Variants in RIPK4 observed in about 807,000 individuals in gnomAD.
RIPK4 encodes the protein receptor interacting serine/threonine kinase 4.
A neutral mutation model predicts 42.9 loss-of-function variants in RIPK4; 17 were observed. The ratio of observed to expected loss-of-function variants is 0.40; its 90% CI spans 0.27 to 0.59. RIPK4 has a LOEUF of 0.59. Among genes scored for constraint, RIPK4 ranks in the 20% least tolerant of loss-of-function variants. The probability of loss-of-function intolerance (pLI) is 0.47; values close to 1 mark genes in which losing one functional copy is unlikely to be tolerated. For missense variants in RIPK4, 897 were observed against 1,104.4 expected (o/e 0.81, Z 2.66); for synonymous variants, 498 against 499.1 (o/e 1.00, Z 0.03).
In RIPK4 at chr21:41,746,715, G is replaced by T; in HGVS notation, c.730C>A (p.Leu244Met). The T allele has an allele frequency of 6.2e-7, 1 of 1,609,442 alleles. No homozygotes were observed. ...VKVVKGHRPE[L>M]PPVCRARPRA... ...GGCCGGGCTCTGCACACGGGCGGCA[G>T]CTCGGGGCGGTGGCCCTTCACCACC... Residue 244 changes from leucine (L) to methionine (M), a missense_variant, in exon 5 of 8, where the codon CTG becomes ATG. Leu to Met is a conservative substitution (Grantham distance 15). Coordinates refer to ENST00000332512, the MANE Select transcript of RIPK4 (RefSeq NM_020639.3).
rs2061149003 is a variant in RIPK4 at position 41,740,458 on chromosome 21, C to T, written c.*380G>A. ...AAAAACACAGTTTCCCCTGCACCTC[C>T]CTCAAGACTGGTGAGCTCCAGCAAC... On this transcript the variant is annotated 3_prime_UTR_variant, in exon 8 of 8. Transcript: ENST00000332512. The T allele has an allele frequency of 4.5e-6, 1 of 224,344 alleles. No homozygotes were observed. Among genetic ancestry groups the T allele is most frequent in the Non-Finnish European group, 8.6e-6 (1 of 115,728 alleles). 13.9% of individuals were successfully genotyped at this position (224,344 alleles called of 1,614,324 possible). A position where few individuals can be genotyped will look rare whatever the true frequency, so the allele number is the denominator to read the frequency against.
At chr21:41,752,643 C>T (rs2061191947) in intron 2 of RIPK4, among the ~76,000 whole-genome samples, 3 of 152,224 alleles carry the variant, frequency 2.0e-5, no homozygotes, top group Admixed American at 2.0e-4. Flanking sequence ...CCTGCAAACC[C>T]CGGCGGCTGC....
At position 41,741,446 on chromosome 21, in the gene RIPK4, G is replaced by A; in HGVS notation, c.1747C>T (p.Leu583=). ...TTGGCCAGCAGCTTGACGATGGGCAGGTGGCCCTGCCAGGCAGCGTAGTGC... is the reference window on the plus strand; with the variant it reads ...TTGGCCAGCAGCTTGACGATGGGCAAGTGGCCCTGCCAGGCAGCGTAGTGC... ...PLHYAAWQGH[L]PIVKLLAKQP... is the part of the protein sequence containing the mutation. The change falls in exon 8 of 8, where the codon CTG becomes TTG. Residue 583 remains leucine, a synonymous_variant. Coordinates refer to ENST00000332512, the MANE Select transcript of RIPK4 (RefSeq NM_020639.3). 6.2e-7 allele frequency: 1 copy of A among 1,612,868 alleles called. No homozygotes were observed. The highest frequency in any genetic ancestry group is 8.5e-7 in the Non-Finnish European group (1 of 1,179,954).
In RIPK4 at chr21:41,745,770, G is replaced by GC; in HGVS notation, c.924dup (p.Pro309AlafsTer20). ...GAAGGACTCGTTACCTCGCTCCTGG[G>GC]CTCCGGGGGGCTTTTCACGTCCAGA... On this transcript the variant is annotated frameshift_variant, in exon 6 of 8. Coordinates refer to ENST00000332512, the MANE Select transcript of RIPK4 (RefSeq NM_020639.3). LOFTEE classifies it high-confidence loss of function. 1 of 1,613,820 alleles carries GC rather than the reference G, an allele frequency of 6.2e-7. No individual in the cohort carries two copies. Among genetic ancestry groups the GC allele is most frequent in the Non-Finnish European group, 8.5e-7 (1 of 1,179,726 alleles).
At chr21:41,761,837 C>T (rs2061221187) in intron 1 of RIPK4, among the ~76,000 whole-genome samples, 1 of 152,160 alleles carries the variant, frequency 6.6e-6, no homozygotes, top group Non-Finnish European at 1.5e-5. Flanking sequence ...ACATAAAACC[C>T]CGGTGACTTC....
Position 41,751,072 on chromosome 21 carries a change from G to T in RIPK4, c.623+25C>A. ...GTTGAGAGCCCCTGGCACCCACAGG[G>T]GATGGGGGGCGGCATGTCACACACC... On this transcript the variant is annotated intron_variant, in intron 3 of 7. Transcript: ENST00000332512. The surrounding 1 kb of genome is among the most constrained non-coding windows in gnomAD (Gnocchi z 4.5). 6.2e-7 allele frequency: 1 copy of T among 1,605,364 alleles called. No homozygotes were observed. The highest frequency in any genetic ancestry group is 1.1e-5 in the South Asian group (1 of 90,164).
rs1195471472 is a variant in RIPK4, at chr21:41,755,408, C to G, written c.474+1117G>C. Among the ~76,000 whole-genome samples, 2 of 152,222 alleles carry G rather than the reference C, an allele frequency of 1.3e-5. No individual in the cohort carries two copies. Among genetic ancestry groups the G allele is most frequent in the Non-Finnish European group, 2.9e-5 (2 of 68,028 alleles). On this transcript the variant is annotated intron_variant, in intron 2 of 7. Transcript: ENST00000332512. The surrounding 1 kb of genome is among the most constrained non-coding windows in gnomAD (Gnocchi z 4.2). ...GGCTGAGCAAGGCACGCGAGATGCA[C>G]TCGTCCGCAGAGTCTGGGCACAGGG... is the stretch of plus-strand genomic sequence containing the variant.
chr21:41,766,781 G>T, intron 1 of RIPK4, 79 bp downstream of exon 1: 1 of 1,431,302 alleles, frequency 7.0e-7, no homozygotes, highest in Non-Finnish European at 9.5e-7. Flanking sequence ...GAGAGAGGCA[G>T]GACCCCGGGA....
rs377538418 is a variant in RIPK4, at chr21:41,763,053, C to T, written c.182+3807G>A. Reference sequence around the variant, plus strand: ...TGGCATCCTATTCCCCTCTCCTTCGCTGCTGGTGAAAGCGTTGCTAATTCT... The same window carrying T: ...TGGCATCCTATTCCCCTCTCCTTCGTTGCTGGTGAAAGCGTTGCTAATTCT... On this transcript the variant is annotated intron_variant, in intron 1 of 7. Transcript: ENST00000332512. Among the ~76,000 whole-genome samples the T allele has an allele frequency of 1.6e-4, 24 of 152,326 alleles. No homozygotes were observed. In the South Asian group the frequency reaches 2.9e-3, roughly 18 times the overall value.
At position 41,740,771 on chromosome 21, in the gene RIPK4, A is replaced by AT. The variant is rs1275014101; in HGVS notation, c.*66dup. ...ACAGGGCCCCACGCAGGATCGTTCCATCCCCACGAGGAACACAGGACAGGA... is the reference window on the plus strand; with the variant it reads ...ACAGGGCCCCACGCAGGATCGTTCCATTCCCCACGAGGAACACAGGACAGGA... On this transcript the variant is annotated 3_prime_UTR_variant, in exon 8 of 8. Transcript: ENST00000332512. 1.8e-5 allele frequency: 26 copies of AT among 1,470,346 alleles called. No homozygotes were observed. The highest frequency in any genetic ancestry group is 2.2e-5 in the Non-Finnish European group (24 of 1,100,966). The allele number at this position is 1,470,346 out of a possible 1,614,324, so 91.1% of individuals were successfully genotyped here.
At position 41,746,706 on chromosome 21, in the gene RIPK4, C is replaced by T. The variant is rs759682809; in HGVS notation, c.739G>A (p.Val247Met). Residue 247 changes from valine to methionine, a missense_variant, in exon 5 of 8, where the codon GTG (valine) becomes ATG (methionine). Transcript: ENST00000332512. ...CAGGCGCGCGGCCGGGCTCTGCACA[C>T]GGGCGGCAGCTCGGGGCGGTGGCCC... ...VKGHRPELPPVCRARPRACSH... is the reference protein window; with the variant it reads ...VKGHRPELPPMCRARPRACSH... 7.3e-5 allele frequency: 118 copies of T among 1,609,984 alleles called. No homozygotes were observed. Among genetic ancestry groups the T allele is most frequent in the Admixed American group, 2.0e-4 (12 of 59,880 alleles).
Position 41,751,600 on chromosome 21 carries a change from G to GA in RIPK4, c.475-356dup, listed in dbSNP as rs1177302820. 9.2e-5 allele frequency among the ~76,000 whole-genome samples: 14 copies of GA among 152,184 alleles called. No homozygotes were observed. The highest frequency in any genetic ancestry group is 1.8e-4 in the Non-Finnish European group (12 of 68,020). On this transcript the variant is annotated intron_variant, in intron 2 of 7. Transcript: ENST00000332512. The surrounding 1 kb of genome is among the most constrained non-coding windows in gnomAD (Gnocchi z 4.5). ...AGAGCCGGCTGAGCCGGCATAAAGG[G>GA]AAAAAAACAAGCCTTCGAGGGTTCA...
chr21:41,756,833 G>C lies in RIPK4; in HGVS notation c.183-17C>G, dbSNP rs774746358. On this transcript the variant is annotated splice_polypyrimidine_tract_variant and intron_variant, in intron 1 of 7. Transcript: ENST00000332512. ...ATGCGCTCCCTGAAAAAGTTCAAAG[G>C]CATGAAGAATACGCAATGGTCACTC... The C allele has an allele frequency of 8.7e-6, 14 of 1,606,628 alleles. No individual in the cohort carries two copies. In the South Asian group the frequency reaches 1.5e-4, roughly 18 times the overall value.
At chr21:41,747,686 G>A (rs2061176128) in intron 4 of RIPK4, among the ~76,000 whole-genome samples, 1 of 152,140 alleles carries the variant, frequency 6.6e-6, no homozygotes, top group African/African-American at 2.4e-5. Flanking sequence ...GTGTTTAGCA[G>A]GCTATTTCCA....
At chr21:41,744,242 G>A in intron 6 of RIPK4, 102 bp from the exon 7 acceptor site, 1 of 1,153,220 alleles carries the variant, frequency 8.7e-7, no homozygotes, top group Non-Finnish European at 1.2e-6. Context: ...ACGGGAGGGA[G>A]ATGGGGGAGG....
At position 41,740,748 on chromosome 21, in the gene RIPK4, A is replaced by G. The variant is rs6586232; in HGVS notation, c.*90T>C. On this transcript the variant is annotated 3_prime_UTR_variant, in exon 8 of 8. Coordinates refer to ENST00000332512, the MANE Select transcript of RIPK4 (RefSeq NM_020639.3). ...GGTTAACATTTAGGTAAGCCACAAC[A>G]GGGCCCCACGCAGGATCGTTCCATC... 1,019,176 of 1,341,412 alleles carry G rather than the reference A, an allele frequency of 0.76. 388,446 individuals are homozygous for G. The highest frequency in any genetic ancestry group is 0.89 in the African/African-American group (60,913 of 68,508). The allele number at this position is 1,341,412 out of a possible 1,614,324, so 83.1% of individuals were successfully genotyped here. A position where few individuals can be genotyped will look rare whatever the true frequency, so the allele number is the denominator to read the frequency against.
chr21:41,745,154 T>C (rs2061166699), intron 6 of RIPK4, among the ~76,000 whole-genome samples: 1 of 152,136 alleles, frequency 6.6e-6, no homozygotes, highest in Non-Finnish European at 1.5e-5. Flanking sequence ...GTTGAGGCAG[T>C]GGGCGCATAT....
intron 4 of RIPK4, among the ~76,000 whole-genome samples, chr21:41,748,918 T>C (rs1425192868): frequency 1.3e-5 from 2 of 152,240 alleles, no homozygotes; most frequent in Non-Finnish European, 2.9e-5. Context: ...ACATGACCAA[T>C]TTTATGTTAT....
At chr21:41,763,812 A>G (rs2061228234) in intron 1 of RIPK4, among the ~76,000 whole-genome samples, 1 of 152,230 alleles carries the variant, frequency 6.6e-6, no homozygotes, top group Non-Finnish European at 1.5e-5. Flanking sequence ...TGAATGTGGC[A>G]GGAGCGTCTC....
Sources: gnomAD v4.1 joint callset for allele counts (sites outside exome capture counted in the v4.1 genomes callset) on GRCh38, gnomAD v4.1.1 for gene constraint, Gnocchi (gnomAD v3.1) non-coding constraint, MANE v1.5 for transcripts, NCBI Gene and HGNC (gene_info 2026-07-23, HGNC 2026-07-21) for gene names.